HOMER1: variants seen among roughly 807,000 people sequenced by gnomAD.
HOMER1 encodes homer scaffold protein 1, also known as homer protein homolog 1.
Under a neutral mutation model 48.9 loss-of-function variants are expected in HOMER1, and 3 were observed. That is an observed-to-expected ratio of 0.06 (90% CI 0.03 to 0.16). The LOEUF (loss-of-function observed/expected upper bound fraction) is 0.16. Among genes scored for constraint, HOMER1 ranks in the 10% least tolerant of loss-of-function variants. The pLI, the probability that HOMER1 is intolerant of heterozygous loss-of-function variation, is 1.00. For synonymous variants in HOMER1, 134 were observed against 146.4 expected, an observed-to-expected ratio of 0.92 and a Z score of 0.61; for missense variants, 247 against 411.4, an observed-to-expected ratio of 0.60 and a Z score of 3.46.
chr5:79,409,170 T>C (rs1037689926), intron 5 of HOMER1, among the ~76,000 whole-genome samples: 2 of 149,930 alleles, frequency 1.3e-5, no homozygotes, highest in South Asian at 2.1e-4. Context: ...TGGTGGCTCA[T>C]GCCTATAATC....
At chr5:79,466,824 ACT>A (rs1751478102) in intron 1 of HOMER1, among the ~76,000 whole-genome samples, 1 of 151,720 alleles carries the variant, frequency 6.6e-6, no homozygotes, top group Non-Finnish European at 1.5e-5. Context: ...ACAGAGTCTC[ACT>A]CTGTCACCAA....
rs1159913613 is a variant in HOMER1 at position 79,512,900 on chromosome 5, G to A, written c.-126C>T. The A allele has an allele frequency of 4.6e-5, 37 of 810,678 alleles. No homozygotes were observed. Among genetic ancestry groups the A allele is most frequent in the South Asian group, 4.2e-4 (28 of 67,162 alleles). The allele number at this position is 810,678 out of a possible 1,614,324, so 50.2% of individuals were successfully genotyped here. ...CCCACCCCCAGATCCTTGTCCGGAG[G>A]TATTTCAAGGATGCTGCCAATTCAA... On this transcript the variant is annotated 5_prime_UTR_variant, in exon 1 of 9. Transcript: ENST00000334082.
intron 5 of HOMER1, 152 bp downstream of exon 5, chr5:79,438,858 T>A (rs1384324212): frequency 1.6e-6 from 1 of 615,528 alleles, no homozygotes; most frequent in Non-Finnish European, 2.8e-6. Flanking sequence ...ATTTCATTTC[T>A]GAGGTTAACA....
intron 1 of HOMER1, among the ~76,000 whole-genome samples, chr5:79,505,651 CTAATAT>C (rs1752746040): frequency 6.6e-6 from 1 of 151,870 alleles, no homozygotes; most frequent in Non-Finnish European, 1.5e-5. Context: ...ATTTTTAAAG[CTAATAT>C]TAATATTAGG....
At chr5:79,435,688 G>A (rs1340226595) in intron 5 of HOMER1, among the ~76,000 whole-genome samples, 1 of 149,190 alleles carries the variant, frequency 6.7e-6, no homozygotes, top group Admixed American at 6.7e-5. Flanking sequence ...AAAATTAGCA[G>A]GGTGTGGTGG....
chr5:79,402,131 C>G, intron 5 of HOMER1, 76 bp from the exon 6 acceptor site: 1 of 1,178,474 alleles, frequency 8.5e-7, no homozygotes, highest in East Asian at 2.5e-5. Context: ...AGACTCAGTT[C>G]TATTGTAGGG....
At chr5:79,380,406 T>C (rs1413877941) in intron 8 of HOMER1, among the ~76,000 whole-genome samples, 4 of 152,184 alleles carry the variant, frequency 2.6e-5, no homozygotes, top group Admixed American at 6.5e-5. Flanking sequence ...AAGAGAAACA[T>C]GGGCTGTTAC....
At chr5:79,466,426 A>T (rs539078443) in intron 1 of HOMER1, among the ~76,000 whole-genome samples, 10 of 151,952 alleles carry the variant, frequency 6.6e-5, no homozygotes, top group Non-Finnish European at 1.3e-4. Flanking sequence ...TGAGCCAGGT[A>T]AGTCAAGGCT....
intron 1 of HOMER1, among the ~76,000 whole-genome samples, chr5:79,505,118 A>G (rs1561391295): frequency 6.6e-6 from 1 of 152,074 alleles, no homozygotes; most frequent in Non-Finnish European, 1.5e-5. Flanking sequence ...AAAATTAGCC[A>G]GGTGTGGTGG....
intron 1 of HOMER1, among the ~76,000 whole-genome samples, chr5:79,503,814 C>A (rs1199546175): frequency 2.0e-4 from 31 of 151,536 alleles, no homozygotes; most frequent in Non-Finnish European, 5.9e-5. Flanking sequence ...CATAAATATT[C>A]TTATCTTCAT....
intron 5 of HOMER1, among the ~76,000 whole-genome samples, chr5:79,437,710 T>TG (rs1395347758): frequency 6.6e-6 from 1 of 152,322 alleles, no homozygotes; most frequent in East Asian, 1.9e-4. Context: ...TGCAACACCG[T>TG]GGCACAATCG....
rs1748763439 is a variant in HOMER1 at position 79,376,027 on chromosome 5, C to T, written c.1047G>A (p.Lys349=). The T allele has an allele frequency of 6.2e-7, 1 of 1,610,370 alleles. No individual in the cohort carries two copies. The change falls in exon 9 of 9, where the codon AAG becomes AAA. Residue 349 remains lysine (K), a synonymous_variant. Coordinates refer to ENST00000334082, the MANE Select transcript of HOMER1 (RefSeq NM_004272.5). ...ELTELRDNLA[K]LLECS ...ACTTTCCTTAGCTGCATTCTAGTAG[C>T]TTGGCCAAGTTATCTCGTAATTCTG...
intron 8 of HOMER1, among the ~76,000 whole-genome samples, chr5:79,382,158 A>G (rs751615826): frequency 1.1e-4 from 17 of 152,210 alleles, no homozygotes; most frequent in Non-Finnish European, 2.2e-4. Context: ...TCTGTGACAT[A>G]CGGGACACCA....
At chr5:79,486,827 C>T (rs1454581622) in intron 1 of HOMER1, among the ~76,000 whole-genome samples, 1 of 152,182 alleles carries the variant, frequency 6.6e-6, no homozygotes, top group Non-Finnish European at 1.5e-5. Context: ...CAATGGAACA[C>T]TATTGAGTTT....
rs1401380928 is a variant in HOMER1 at position 79,372,882 on chromosome 5, C to T, written c.*3127G>A. On this transcript the variant is annotated 3_prime_UTR_variant, in exon 9 of 9. Transcript: ENST00000334082. ...GGTGTTGGCTTAATTTTGAGTGTTC[C>T]TTTTATTTCCACCTGAAAAAAAAAG... The T allele has an allele frequency of 6.6e-6, 1 of 151,914 alleles. No homozygotes were observed. The highest frequency in any genetic ancestry group is 1.5e-5 in the Non-Finnish European group (1 of 67,942). The allele number at this position is 151,914 out of a possible 1,614,324, so 9.4% of individuals were successfully genotyped here.
chr5:79,391,222 C>A (rs186532654), intron 8 of HOMER1, among the ~76,000 whole-genome samples: 171 of 151,006 alleles, frequency 1.1e-3, no homozygotes, highest in Non-Finnish European at 1.5e-3. Context: ...ACCGCAACCT[C>A]AACCTCCTGG....
chr5:79,442,566 A>AC (rs1396476636), intron 4 of HOMER1, among the ~76,000 whole-genome samples: 1 of 152,206 alleles, frequency 6.6e-6, no homozygotes, highest in African/African-American at 2.4e-5. Flanking sequence ...AAATACCACT[A>AC]CCACCTTCCA....
intron 1 of HOMER1, among the ~76,000 whole-genome samples, chr5:79,473,652 A>G (rs78866369): frequency 0.013 from 1,946 of 152,326 alleles, 53 homozygotes; most frequent in African/African-American, 0.043. Flanking sequence ...AAAGAGTTCT[A>G]GAATCTCAAT....
chr5:79,480,996 T>C (rs1277720617), intron 1 of HOMER1, among the ~76,000 whole-genome samples: 2 of 152,206 alleles, frequency 1.3e-5, no homozygotes, highest in Non-Finnish European at 2.9e-5. Context: ...CAATGCTTTA[T>C]TTGCCCCATA....
Sources: allele counts gnomAD v4.1 joint callset (sites outside exome capture counted in the v4.1 genomes callset), GRCh38; gene constraint gnomAD v4.1.1; transcripts MANE v1.5; gene names NCBI Gene and HGNC (gene_info 2026-07-23, HGNC 2026-07-21).